The following DPP10 variants were observed in gnomAD, a reference collection of about 807,000 sequenced individuals.
DPP10 encodes the protein inactive dipeptidyl peptidase 10.
In DPP10, 33 loss-of-function variants were observed where a neutral mutation model predicts 120.9. The ratio of observed to expected loss-of-function variants is 0.27; its 90% CI spans 0.21 to 0.37. The LOEUF is 0.37. DPP10 is among the 10% of genes least tolerant of loss of function. DPP10 has a pLI of 1.00. For missense variants in DPP10, 816 were observed against 942.8 expected, an observed-to-expected ratio of 0.87 and a Z score of 1.76; for synonymous variants, 337 against 326.1, an observed-to-expected ratio of 1.03 and a Z score of -0.36.
chr2:115,384,292 G>A (rs779716797), intron 3 of DPP10, among the ~76,000 whole-genome samples: 6 of 151,982 alleles, frequency 3.9e-5, no homozygotes, highest in Non-Finnish European at 7.4e-5. Context: ...GAAGATCACT[G>A]GAGACTAGGA....
At chr2:115,821,902 T>G (rs1687856417) in intron 21 of DPP10, among the ~76,000 whole-genome samples, 1 of 152,028 alleles carries the variant, frequency 6.6e-6, no homozygotes, top group African/African-American at 2.4e-5. Context: ...GTAGAATTGT[T>G]AAGTCACATA....
chr2:115,041,477 T>A (rs1223765328), intron 1 of DPP10, among the ~76,000 whole-genome samples: 2 of 152,182 alleles, frequency 1.3e-5, no homozygotes, highest in African/African-American at 2.4e-5. Flanking sequence ...AGATATTGCT[T>A]ATGAGGTAGC....
chr2:114,675,622 T>A (rs1175530739), intron 1 of DPP10, among the ~76,000 whole-genome samples: 1 of 152,136 alleles, frequency 6.6e-6, no homozygotes. Context: ...AGAACAATGG[T>A]TCCCAGTATT....
intron 1 of DPP10, among the ~76,000 whole-genome samples, chr2:114,448,022 G>A (rs1678038349): frequency 6.6e-6 from 1 of 151,990 alleles, no homozygotes; most frequent in Non-Finnish European, 1.5e-5. Flanking sequence ...TCCATTTATG[G>A]CCAAGTATTT....
chr2:115,641,652 A>G (rs2086791612), intron 5 of DPP10, among the ~76,000 whole-genome samples: 1 of 152,202 alleles, frequency 6.6e-6, no homozygotes, highest in Admixed American at 6.5e-5. Context: ...TGCAAGCTCA[A>G]TAAGGGTAAC....
chr2:115,632,885 C>CT (rs2085999913), intron 5 of DPP10, among the ~76,000 whole-genome samples: 1 of 152,096 alleles, frequency 6.6e-6, no homozygotes, highest in Admixed American at 6.6e-5. Context: ...AATGAGATAC[C>CT]ATCTCACACC....
rs564175998 is a variant in DPP10 at position 115,349,387 on chromosome 2, A to G, written c.271+5475A>G. Among the ~76,000 whole-genome samples, 4 of 152,288 alleles carry G rather than the reference A, an allele frequency of 2.6e-5. No individual in the cohort carries two copies. The South Asian group carries it at 8.3e-4, about 32-fold the overall frequency. ...CATTCAGAGTGAGGACATTAGTGCC[A>G]TAGCTAGAAGCATAATACAAAGTAA... On this transcript the variant is annotated intron_variant, in intron 3 of 25. Transcript: ENST00000410059.
chr2:114,966,265 C>T (rs1300429206), intron 1 of DPP10, among the ~76,000 whole-genome samples: 1 of 152,112 alleles, frequency 6.6e-6, no homozygotes, highest in East Asian at 1.9e-4. Context: ...AATTTGATCC[C>T]AAATGTGGCA....
At chr2:115,462,458 T>C (rs1213155838) in intron 3 of DPP10, among the ~76,000 whole-genome samples, 1 of 152,100 alleles carries the variant, frequency 6.6e-6, no homozygotes, top group Non-Finnish European at 1.5e-5. Context: ...TCCCATTTCC[T>C]AAAAGGTTAG....
intron 1 of DPP10, among the ~76,000 whole-genome samples, chr2:114,663,271 T>TATATATATATATATATATACAC (rs375462897): frequency 6.8e-6 from 1 of 147,300 alleles, no homozygotes; most frequent in African/African-American, 2.5e-5. Context: ...TATATATATA[T>TATATATATATATATATATACAC]ACACACACAT....
chr2:114,442,791 G>A lies in DPP10; in HGVS notation c.13G>A (p.Ala5Thr). 1 of 1,613,376 alleles carries A rather than the reference G, an allele frequency of 6.2e-7. No homozygotes were observed. The highest frequency in any genetic ancestry group is 8.5e-7 in the Non-Finnish European group (1 of 1,179,532). MNQT[A>T]SVSHHIKCQP... ...AGGGTCCTGAAACATGAACCAAACT[G>A]CCAGCGTGTCCCATCACATCAAGTG... The change falls in exon 1 of 26, where the codon GCC becomes ACC. Residue 5 changes from alanine (A) to threonine (T), a missense_variant. Coordinates refer to ENST00000410059, the MANE Select transcript of DPP10 (RefSeq NM_020868.6).
chr2:115,566,202 A>G (rs2081000155), intron 5 of DPP10, among the ~76,000 whole-genome samples: 1 of 152,096 alleles, frequency 6.6e-6, no homozygotes, highest in African/African-American at 2.4e-5. Flanking sequence ...AGTTACTTAG[A>G]TCATTTGATT....
chr2:114,651,410 C>T (rs988251472), intron 1 of DPP10, among the ~76,000 whole-genome samples: 1 of 152,074 alleles, frequency 6.6e-6, no homozygotes, highest in African/African-American at 2.4e-5. Flanking sequence ...TCAAGCTTTA[C>T]CCTCATCAAA....
intron 1 of DPP10, among the ~76,000 whole-genome samples, chr2:114,627,317 C>T (rs1694588040): frequency 6.6e-6 from 1 of 152,132 alleles, no homozygotes; most frequent in Admixed American, 6.6e-5. Context: ...CATTTCTTCT[C>T]AAAATACATT....
intron 1 of DPP10, among the ~76,000 whole-genome samples, chr2:115,117,202 G>T (rs1201106059): frequency 6.6e-6 from 1 of 152,116 alleles, no homozygotes; most frequent in Non-Finnish European, 1.5e-5. Context: ...ACAAAGAGTA[G>T]ATTATTTAGC....
In DPP10 at chr2:115,185,976, C is replaced by T. The variant is rs553847339; in HGVS notation, c.61-123263C>T. Among the ~76,000 whole-genome samples, 30 of 152,334 alleles carry T rather than the reference C, an allele frequency of 2.0e-4. No individual in the cohort carries two copies. The South Asian group carries it at 5.2e-3, about 26-fold the overall frequency. Reference sequence around the variant, plus strand: ...AGCTGATTACAGCATAACAAAGCAACTCACTACCACCTCTACTTCATAATA... The same window carrying T: ...AGCTGATTACAGCATAACAAAGCAATTCACTACCACCTCTACTTCATAATA... On this transcript the variant is annotated intron_variant, in intron 1 of 25. Transcript: ENST00000410059.
intron 1 of DPP10, among the ~76,000 whole-genome samples, chr2:114,566,996 C>G (rs751761503): frequency 4.6e-5 from 7 of 152,164 alleles, no homozygotes; most frequent in Non-Finnish European, 7.3e-5. Flanking sequence ...CATTACAGCA[C>G]CAGAGTGGGC....
At chr2:114,443,594 AATCAAAGT>A (rs1005762195) in intron 1 of DPP10, among the ~76,000 whole-genome samples, 1 of 152,126 alleles carries the variant, frequency 6.6e-6, no homozygotes, top group African/African-American at 2.4e-5. Flanking sequence ...CCAGACTTCC[AATCAAAGT>A]TTACTATATT....
At chr2:114,569,040 A>G (rs1174221420) in intron 1 of DPP10, among the ~76,000 whole-genome samples, 1 of 152,188 alleles carries the variant, frequency 6.6e-6, no homozygotes. Context: ...TTGCTTTTTT[A>G]TATATGATTC....
Sources: gnomAD v4.1 joint callset for allele counts (sites outside exome capture counted in the v4.1 genomes callset) on GRCh38, gnomAD v4.1.1 for gene constraint, MANE v1.5 for transcripts, NCBI Gene and HGNC (gene_info 2026-07-23, HGNC 2026-07-21) for gene names.